Variants in RSF1 observed in about 807,000 individuals in gnomAD.
RSF1 encodes the protein HBV pX-associated protein 8.
RSF1 carries 13 observed loss-of-function variants against 145.2 expected under a neutral mutation model. The ratio of observed to expected loss-of-function variants is 0.09; its 90% CI spans 0.06 to 0.14. The LOEUF is 0.14. RSF1 is among the 10% of genes least tolerant of loss of function. The probability of loss-of-function intolerance (pLI) is 1.00; values close to 1 mark genes in which losing one functional copy is unlikely to be tolerated. For missense variants in RSF1, 1,517 were observed against 1,718.2 expected, an observed-to-expected ratio of 0.88 and a Z score of 2.07; for synonymous variants, 577 against 592.6, an observed-to-expected ratio of 0.97 and a Z score of 0.38.
chr11:77,811,601 G>A (rs1948732189), intron 1 of RSF1, among the ~76,000 whole-genome samples: 1 of 152,192 alleles, frequency 6.6e-6, no homozygotes, highest in South Asian at 2.1e-4. Context: ...GGAAGATGGG[G>A]ATGGTATATT....
intron 9 of RSF1, 70 bp downstream of exon 9, chr11:77,691,089 T>C: frequency 7.0e-7 from 1 of 1,432,494 alleles, no homozygotes; most frequent in Non-Finnish European, 9.8e-7. Context: ...GATGGATCCA[T>C]TTATCCATAC....
intron 1 of RSF1, among the ~76,000 whole-genome samples, chr11:77,801,506 T>A (rs1423036942): frequency 1.3e-5 from 2 of 152,246 alleles, no homozygotes; most frequent in Admixed American, 1.3e-4. Flanking sequence ...TGTAAATTCC[T>A]GAGTGATAGG....
intron 1 of RSF1, among the ~76,000 whole-genome samples, chr11:77,808,958 C>T (rs1381788621): frequency 1.3e-5 from 2 of 152,182 alleles, no homozygotes; most frequent in Admixed American, 6.5e-5. Flanking sequence ...CAGATCATTG[C>T]TTAGAGTTCA....
At chr11:77,817,512 TA>T (rs1948793091) in intron 1 of RSF1, among the ~76,000 whole-genome samples, 1 of 152,228 alleles carries the variant, frequency 6.6e-6, no homozygotes, top group Non-Finnish European at 1.5e-5. Context: ...GCTACCACTG[TA>T]TCCTACTTGA....
chr11:77,818,446 G>C (rs2135995041), intron 1 of RSF1, among the ~76,000 whole-genome samples: 1 of 152,248 alleles, frequency 6.6e-6, no homozygotes, highest in South Asian at 2.1e-4. Context: ...CATCCTAAAA[G>C]CAACTTACTA....
chr11:77,721,836 A>G (rs966026804), intron 5 of RSF1, among the ~76,000 whole-genome samples: 1 of 152,194 alleles, frequency 6.6e-6, no homozygotes, highest in Non-Finnish European at 1.5e-5. Context: ...GAATGAATGA[A>G]TAAGAAACAT....
chr11:77,766,215 A>T (rs1590874668), intron 1 of RSF1, among the ~76,000 whole-genome samples: 1 of 152,176 alleles, frequency 6.6e-6, no homozygotes, highest in East Asian at 1.9e-4. Flanking sequence ...TGCATTGTGA[A>T]TATCCAAAAT....
At chr11:77,764,886 G>C (rs773368946) in intron 1 of RSF1, among the ~76,000 whole-genome samples, 197 bp from the exon 2 acceptor site, 1 of 152,068 alleles carries the variant, frequency 6.6e-6, no homozygotes, top group Non-Finnish European at 1.5e-5. Flanking sequence ...CTTTCTCAAA[G>C]ACAAGCAAGA....
chr11:77,710,815 A>G (rs1263295193), intron 5 of RSF1, among the ~76,000 whole-genome samples: 1 of 152,222 alleles, frequency 6.6e-6, no homozygotes, highest in Non-Finnish European at 1.5e-5. Flanking sequence ...CTCATTTACT[A>G]TCTTATTATA....
intron 1 of RSF1, among the ~76,000 whole-genome samples, chr11:77,816,910 A>C (rs1948786952): frequency 6.6e-6 from 1 of 152,152 alleles, no homozygotes; most frequent in Admixed American, 6.6e-5. Context: ...TATAAATCTA[A>C]ATTTTTTGTT....
Position 77,675,037 on chromosome 11 carries a change from AGAG to A in RSF1, c.3558_3560del (p.Ser1187del). 6.3e-7 allele frequency: 1 copy of A among 1,584,772 alleles called. No homozygotes were observed. The highest frequency in any genetic ancestry group is 8.6e-7 in the Non-Finnish European group (1 of 1,168,680). On this transcript the variant is annotated inframe_deletion and splice_region_variant, in exon 14 of 16. Coordinates refer to ENST00000308488, the MANE Select transcript of RSF1 (RefSeq NM_016578.4). ...CATATGGTTACAGATTATTTTTACC[AGAG>A]TCTCTACTATTCTCCTCAGATTCCT...
At chr11:77,865,174 A>G in the RSF1 span, among the ~76,000 whole-genome samples, 1 of 152,188 alleles carries the variant, frequency 6.6e-6, no homozygotes, top group African/African-American at 2.4e-5. Context: ...TTGCCTAACT[A>G]GTCATGGTTT....
chr11:77,785,983 A>G (rs1056990253), intron 1 of RSF1, among the ~76,000 whole-genome samples: 1 of 55,428 alleles, frequency 1.8e-5, no homozygotes, highest in Non-Finnish European at 3.2e-5. Flanking sequence ...TTTGTTAAAC[A>G]TGAACTATGA....
chr11:77,849,476 G>A, the RSF1 span, among the ~76,000 whole-genome samples: 1,687 of 152,178 alleles, frequency 0.011, 26 homozygotes, highest in African/African-American at 0.039. Flanking sequence ...TGCCCATCTC[G>A]GCCTCTCAAA....
the RSF1 span, among the ~76,000 whole-genome samples, chr11:77,853,784 T>C: frequency 6.6e-6 from 1 of 151,578 alleles, no homozygotes; most frequent in African/African-American, 2.4e-5. Flanking sequence ...CTACTAAAAA[T>C]ATAAAAATTA....
chr11:77,772,036 G>C (rs1948290674), intron 1 of RSF1, among the ~76,000 whole-genome samples: 1 of 152,146 alleles, frequency 6.6e-6, no homozygotes, highest in Non-Finnish European at 1.5e-5. Context: ...CCTGTATGAT[G>C]ATCCCTATGA....
At chr11:77,726,415 C>T (rs1270734931) in intron 4 of RSF1, among the ~76,000 whole-genome samples, 3 of 152,158 alleles carry the variant, frequency 2.0e-5, no homozygotes, top group East Asian at 1.9e-4. Flanking sequence ...ACCCTCCTAC[C>T]TCAGCCTCCC....
intron 1 of RSF1, among the ~76,000 whole-genome samples, chr11:77,800,619 C>G (rs1338668899): frequency 6.6e-6 from 1 of 152,190 alleles, no homozygotes; most frequent in Non-Finnish European, 1.5e-5. Context: ...CCTGTCATCT[C>G]AGCACTTTGG....
At chr11:77,808,283 G>A (rs986228324) in intron 1 of RSF1, among the ~76,000 whole-genome samples, 1 of 151,954 alleles carries the variant, frequency 6.6e-6, no homozygotes, top group Admixed American at 6.6e-5. Flanking sequence ...AGTGAGCCGA[G>A]ATCATGCCAC....
Sources: allele counts gnomAD v4.1 joint callset (sites outside exome capture counted in the v4.1 genomes callset), GRCh38; gene constraint gnomAD v4.1.1; transcripts MANE v1.5; gene names NCBI Gene and HGNC (gene_info 2026-07-23, HGNC 2026-07-21).